NDE1: variants seen among roughly 807,000 people sequenced by gnomAD.
NDE1 encodes nudE neurodevelopment protein 1.
Under a neutral mutation model 43.4 loss-of-function variants are expected in NDE1, and 28 were observed. The ratio of observed to expected loss-of-function variants is 0.65; its 90% CI spans 0.48 to 0.89. The LOEUF is 0.89. NDE1 is among the 40% of genes least tolerant of loss of function. The probability of loss-of-function intolerance (pLI) is 0.00; values close to 1 mark genes in which losing one functional copy is unlikely to be tolerated. For missense variants in NDE1, 441 were observed against 434.1 expected (o/e 1.02, Z -0.14); for synonymous variants, 184 against 172.0 (o/e 1.07, Z -0.55).
At chr16:15,689,627 T>C (rs538171722) in intron 5 of NDE1, among the ~76,000 whole-genome samples, 1 of 152,286 alleles carries the variant, frequency 6.6e-6, no homozygotes, top group Admixed American at 6.5e-5. Context: ...CATACATATG[T>C]ATAAAGTTTA....
chr16:15,696,822 A>T lies in NDE1; in HGVS notation c.909A>T (p.Arg303Ser), dbSNP rs538373943. The change falls in exon 8 of 9, where the codon AGA becomes AGT. Residue 303 changes from arginine (R) to serine (S), a missense_variant. Coordinates refer to ENST00000396354, the MANE Select transcript of NDE1 (RefSeq NM_017668.3). ...RSSKNRDGGE[R>S]RPSSTSVPLG... ...GCAAGAACAGAGATGGCGGGGAGAGACGGCCAAGCAGCACCAGCGTGCCTT... is the reference window on the plus strand; with the variant it reads ...GCAAGAACAGAGATGGCGGGGAGAGTCGGCCAAGCAGCACCAGCGTGCCTT... The T allele has an allele frequency of 2.0e-4, 317 of 1,614,118 alleles. 4 individuals are homozygous for T. In the South Asian group the frequency reaches 3.2e-3, roughly 16 times the overall value.
intron 1 of NDE1, among the ~76,000 whole-genome samples, chr16:15,659,503 C>T (rs2036939570): frequency 8.3e-6 from 1 of 120,888 alleles, no homozygotes. Flanking sequence ...GTGGTGCGAT[C>T]TCGGCTCACT....
rs535950109 is a variant in NDE1, at chr16:15,653,429, C to T, written c.-44+3135C>T. 4.6e-5 allele frequency among the ~76,000 whole-genome samples: 7 copies of T among 152,290 alleles called. No homozygotes were observed. In the South Asian group the frequency reaches 1.0e-3, roughly 23 times the overall value. On this transcript the variant is annotated intron_variant, in intron 1 of 8. Transcript: ENST00000396354. ...AATGCAAAGCCTGCGTCCTGGCTGT[C>T]GGAGCATGTGTGGACATTTGGCAGC...
intron 8 of NDE1, among the ~76,000 whole-genome samples, chr16:15,697,871 A>T (rs1395034166): frequency 6.8e-6 from 1 of 148,050 alleles, no homozygotes; most frequent in Admixed American, 6.8e-5. Context: ...TAGTGGCATG[A>T]TCTCAGCTCA....
chr16:15,679,283 A>G (rs906952459), intron 4 of NDE1, among the ~76,000 whole-genome samples: 25 of 152,128 alleles, frequency 1.6e-4, no homozygotes, highest in African/African-American at 6.0e-4. Context: ...GGCATGAGCC[A>G]CTGCACCCGG....
chr16:15,678,525 A>G (rs1211849725), intron 4 of NDE1, among the ~76,000 whole-genome samples: 4 of 152,016 alleles, frequency 2.6e-5, no homozygotes, highest in Non-Finnish European at 5.9e-5. Context: ...CCACCACACC[A>G]TTCTAATTTT....
rs947466083 is a variant in NDE1 at position 15,721,788 on chromosome 16, C to G, written c.948-2403C>G. On this transcript the variant is annotated intron_variant, in intron 8 of 8. Transcript: ENST00000396354. ...CTATGGGAGTAATTTATATAATCAT[C>G]TGGCGTTCTGACTTCTACATCAACC... 22 of 741,464 alleles carry G rather than the reference C, an allele frequency of 3.0e-5. No individual in the cohort carries two copies. The Middle Eastern group carries it at 1.3e-3, about 44-fold the overall frequency. 45.9% of individuals were successfully genotyped at this position (741,464 alleles called of 1,614,324 possible). A position where few individuals can be genotyped will look rare whatever the true frequency, so the allele number is the denominator to read the frequency against.
rs756833213 is a variant in NDE1 at position 15,724,653 on chromosome 16, G to A, written c.*402G>A. ...AAGGACACGGGGCAGGCACCTGGAT[G>A]TTGAGAGTGGAGATGTGGCGCTCCA... On this transcript the variant is annotated 3_prime_UTR_variant, in exon 9 of 9. Coordinates refer to ENST00000396354, the MANE Select transcript of NDE1 (RefSeq NM_017668.3). The A allele has an allele frequency of 1.2e-6, 2 of 1,614,146 alleles. No homozygotes were observed. The highest frequency in any genetic ancestry group is 1.7e-5 in the Admixed American group (1 of 60,032).
intron 3 of NDE1, among the ~76,000 whole-genome samples, chr16:15,674,779 A>G (rs1420830848): frequency 6.6e-6 from 1 of 151,482 alleles, no homozygotes; most frequent in African/African-American, 2.4e-5. Flanking sequence ...TGATGCAATC[A>G]CGGCTCACTG....
chr16:15,714,551 G>A lies in NDE1; in HGVS notation c.948-9640G>A, dbSNP rs556672614. On this transcript the variant is annotated intron_variant, in intron 8 of 8. Coordinates refer to ENST00000396354, the MANE Select transcript of NDE1 (RefSeq NM_017668.3). ...CATGTCAGGAAGGAGGTGAAGTGGC[G>A]GGGGGTGGTGTTGCAGCTTCAATGG... is the stretch of plus-strand genomic sequence containing the variant. The A allele has an allele frequency of 4.0e-4, 164 of 406,654 alleles. 1 individual carries two copies. Among genetic ancestry groups the A allele is most frequent in the South Asian group, 5.1e-4 (20 of 38,946 alleles). The allele number at this position is 406,654 out of a possible 1,614,324, so 25.2% of individuals were successfully genotyped here.
In NDE1 at chr16:15,719,376, A is replaced by T. The variant is rs1282078003; in HGVS notation, c.948-4815A>T. ...CAAGCCCCACCAAGAGTCCACCCTGACAACTCAGCCACCCTTGAAAGTACA... is the reference window on the plus strand; with the variant it reads ...CAAGCCCCACCAAGAGTCCACCCTGTCAACTCAGCCACCCTTGAAAGTACA... On this transcript the variant is annotated intron_variant, in intron 8 of 8. Transcript: ENST00000396354. 4 of 1,548,360 alleles carry T rather than the reference A, an allele frequency of 2.6e-6. No individual in the cohort carries two copies. In the East Asian group the frequency reaches 9.0e-5, roughly 35 times the overall value.
In NDE1 at chr16:15,686,583, C is replaced by T. The variant is rs896656756; in HGVS notation, c.387-792C>T. 4.2e-5 allele frequency: 41 copies of T among 973,574 alleles called. No homozygotes were observed. The Middle Eastern group carries it at 2.6e-3, about 62-fold the overall frequency. The allele number at this position is 973,574 out of a possible 1,614,324, so 60.3% of individuals were successfully genotyped here. On this transcript the variant is annotated intron_variant, in intron 4 of 8. Coordinates refer to ENST00000396354, the MANE Select transcript of NDE1 (RefSeq NM_017668.3). ...ATCTCAGTAACTCAGGAGGCTGAGGCGGGAGGATCTCTTGAGCCCAAGAGT... is the reference window on the plus strand; with the variant it reads ...ATCTCAGTAACTCAGGAGGCTGAGGTGGGAGGATCTCTTGAGCCCAAGAGT...
At chr16:15,722,436 G>T (rs1035468690) in intron 8 of NDE1, among the ~76,000 whole-genome samples, 2 of 152,156 alleles carry the variant, frequency 1.3e-5, no homozygotes, top group African/African-American at 4.8e-5. Context: ...ATTATAAATT[G>T]TAACATCCAA....
intron 7 of NDE1, chr16:15,695,525 C>A: frequency 2.0e-6 from 2 of 984,062 alleles, no homozygotes; most frequent in Non-Finnish European, 2.4e-6. Flanking sequence ...ATCTTGAAAG[C>A]CTAGGGCAAA....
intron 6 of NDE1, among the ~76,000 whole-genome samples, chr16:15,693,003 C>CT (rs570029318): frequency 0.056 from 7,382 of 130,816 alleles, 450 homozygotes; most frequent in African/African-American, 0.15. Context: ...TTCTTTCTCT[C>CT]TTTTTTTTTT....
chr16:15,723,857 A>C (rs1311802394), intron 8 of NDE1, among the ~76,000 whole-genome samples: 1 of 152,236 alleles, frequency 6.6e-6, no homozygotes, highest in East Asian at 1.9e-4. Context: ...CATTTAGTGA[A>C]TAAATAAGCA....
intron 3 of NDE1, among the ~76,000 whole-genome samples, chr16:15,676,323 C>T (rs1214954429): frequency 2.0e-5 from 3 of 150,388 alleles, no homozygotes; most frequent in African/African-American, 2.5e-5. Context: ...GATTCTCCCG[C>T]GTCAGCCTTC....
intron 1 of NDE1, among the ~76,000 whole-genome samples, chr16:15,662,120 G>A (rs774062933): frequency 1.3e-5 from 2 of 151,510 alleles, no homozygotes; most frequent in African/African-American, 2.4e-5. Context: ...AAGTTTTTTT[G>A]TCAAGGTAGG....
Position 15,664,011 on chromosome 16 carries a change from G to A in NDE1, c.-43-725G>A, listed in dbSNP as rs549157768. On this transcript the variant is annotated intron_variant, in intron 1 of 8. Coordinates refer to ENST00000396354, the MANE Select transcript of NDE1 (RefSeq NM_017668.3). ...TTGAACCCAGGAGGCAGAGGTTGCA[G>A]TGAGCTGAGATCACGCCACTGCACT... Among the ~76,000 whole-genome samples, 54 of 152,264 alleles carry A rather than the reference G, an allele frequency of 3.5e-4. No homozygotes were observed. The South Asian group carries it at 0.011, about 30-fold the overall frequency.
Sources: gnomAD v4.1 joint callset for allele counts (sites outside exome capture counted in the v4.1 genomes callset) on GRCh38, gnomAD v4.1.1 for gene constraint, MANE v1.5 for transcripts, NCBI Gene and HGNC (gene_info 2026-07-23, HGNC 2026-07-21) for gene names.